The following MEI4 variants were observed in gnomAD, a reference collection of about 807,000 sequenced individuals.
MEI4 encodes meiotic double-stranded break formation protein 4.
In MEI4, 27 loss-of-function variants were observed where a neutral mutation model predicts 31.4. The ratio of observed to expected loss-of-function variants is 0.86; its 90% CI spans 0.63 to 1.19. The LOEUF (loss-of-function observed/expected upper bound fraction) is 1.19, where lower values mean the gene tolerates loss of function less well. Ranked by LOEUF, MEI4 falls within the 50% of genes most tolerant of loss-of-function variation. The pLI, the probability that MEI4 is intolerant of heterozygous loss-of-function variation, is 0.00. For synonymous variants in MEI4, 122 were observed against 145.4 expected (o/e 0.84, Z 1.16); for missense variants, 329 against 398.9 (o/e 0.82, Z 1.49).
chr6:77,699,674 G>A (rs1032822845), intron 2 of MEI4, among the ~76,000 whole-genome samples: 1 of 152,084 alleles, frequency 6.6e-6, no homozygotes, highest in African/African-American at 2.4e-5. Context: ...GGAGTTTCCA[G>A]GTTTTCTGCT....
intron 3 of MEI4, among the ~76,000 whole-genome samples, chr6:77,798,371 T>C (rs1905265): frequency 0.057 from 8,633 of 151,526 alleles, 681 homozygotes; most frequent in African/African-American, 0.17. Context: ...TTAATATTAA[T>C]AATTAAAATA....
rs563548218 is a variant in MEI4, at chr6:77,831,709, T to G, written c.900+2647T>G. On this transcript the variant is annotated intron_variant, in intron 4 of 4. Coordinates refer to ENST00000684080, the MANE Select transcript of MEI4 (RefSeq NM_001322247.2). ...TCATTTGTGGTGGGAGCTAAAGACATGGATCATATTGAGGCAGAGAGTAAA... is the reference window on the plus strand; with the variant it reads ...TCATTTGTGGTGGGAGCTAAAGACAGGGATCATATTGAGGCAGAGAGTAAA... 5.9e-5 allele frequency among the ~76,000 whole-genome samples: 9 copies of G among 151,830 alleles called. No individual in the cohort carries two copies. In the East Asian group the frequency reaches 1.7e-3, roughly 29 times the overall value.
At chr6:77,778,905 G>A (rs529756354) in intron 3 of MEI4, among the ~76,000 whole-genome samples, 2 of 152,184 alleles carry the variant, frequency 1.3e-5, no homozygotes, top group East Asian at 3.9e-4. Context: ...TTGGAAAAGA[G>A]AGGGGAGCCC....
chr6:77,748,137 G>T (rs1167759079), intron 2 of MEI4, among the ~76,000 whole-genome samples: 1 of 152,178 alleles, frequency 6.6e-6, no homozygotes, highest in Non-Finnish European at 1.5e-5. Flanking sequence ...TACTATTCTG[G>T]GATCTGGGGG....
At chr6:77,896,247 A>G (rs77388444) in intron 4 of MEI4, among the ~76,000 whole-genome samples, 2,777 of 152,212 alleles carry the variant, frequency 0.018, 83 homozygotes, top group African/African-American at 0.063. Context: ...TGTGGCATCT[A>G]TTTTATCACC....
At chr6:77,768,781 T>C (rs1768238877) in intron 3 of MEI4, among the ~76,000 whole-genome samples, 1 of 152,116 alleles carries the variant, frequency 6.6e-6, no homozygotes, top group African/African-American at 2.4e-5. Context: ...GGATCACCTG[T>C]TTCTTGTTCT....
chr6:77,840,675 G>C (rs1770336057), intron 4 of MEI4, among the ~76,000 whole-genome samples: 1 of 152,052 alleles, frequency 6.6e-6, no homozygotes, highest in East Asian at 1.9e-4. Flanking sequence ...TTTGTCACAT[G>C]GGTATATTGC....
rs917573919 is a variant in MEI4, at chr6:77,919,503, G to T, written c.901-3586G>T. Among the ~76,000 whole-genome samples the T allele has an allele frequency of 4.9e-4, 75 of 152,140 alleles. 1 individual carries two copies. Among genetic ancestry groups the T allele is most frequent in the African/African-American group, 1.8e-3 (73 of 41,534 alleles). Reference sequence around the variant, plus strand: ...CTTTGGGATGCATTCAAAGCAGTGTGTAGAGGGAAATTTATAGCACTAAAT... The same window carrying T: ...CTTTGGGATGCATTCAAAGCAGTGTTTAGAGGGAAATTTATAGCACTAAAT... On this transcript the variant is annotated intron_variant, in intron 4 of 4. Transcript: ENST00000684080.
chr6:77,712,906 G>C (rs1431485880), intron 2 of MEI4, among the ~76,000 whole-genome samples: 1 of 151,698 alleles, frequency 6.6e-6, no homozygotes, highest in African/African-American at 2.4e-5. Flanking sequence ...GGGAGGCGGA[G>C]CTTGCAGTGA....
intron 3 of MEI4, among the ~76,000 whole-genome samples, chr6:77,799,346 T>C (rs1203023383): frequency 6.6e-6 from 1 of 152,196 alleles, no homozygotes; most frequent in Non-Finnish European, 1.5e-5. Context: ...GGTTGTTTGT[T>C]TTTTTCTTCT....
At chr6:77,828,885 G>T in intron 3 of MEI4, 46 bp from the exon 4 acceptor site, 1 of 1,223,172 alleles carries the variant, frequency 8.2e-7, no homozygotes, top group South Asian at 4.2e-5. Context: ...AATACATTTT[G>T]ATTTGACGTG....
chr6:77,801,277 C>T (rs1028578376), intron 3 of MEI4, among the ~76,000 whole-genome samples: 2 of 152,164 alleles, frequency 1.3e-5, no homozygotes, highest in African/African-American at 2.4e-5. Flanking sequence ...AGTTTATTTG[C>T]ATAGAGGTGT....
At chr6:77,758,672 C>T (rs1044805276) in intron 2 of MEI4, among the ~76,000 whole-genome samples, 5 of 152,182 alleles carry the variant, frequency 3.3e-5, no homozygotes, top group Non-Finnish European at 7.3e-5. Context: ...TTTACTTTGG[C>T]ATTACAGATC....
Position 77,761,462 on chromosome 6 carries a change from C to T in MEI4, c.565C>T (p.Gln189Ter). Residue 189 changes from glutamine (Q) to a stop codon, truncating the protein, a stop_gained, in exon 3 of 5, where the codon CAA becomes TAA. Coordinates refer to ENST00000684080, the MANE Select transcript of MEI4 (RefSeq NM_001322247.2). LOFTEE classifies it high-confidence loss of function. Reference protein sequence around the residue: ...DSSTVSDSVFQLLDGLITFYR... With the variant: ...DSSTVSDSVF ...TTCCACAGTCTCTGATTCTGTTTTT[C>T]AATTGCTGGATGGCCTGATCACTTT... 1 of 1,232,114 alleles carries T rather than the reference C, an allele frequency of 8.1e-7. No individual in the cohort carries two copies. The highest frequency in any genetic ancestry group is 1.5e-5 in the African/African-American group (1 of 64,546). The allele number at this position is 1,232,114 out of a possible 1,614,324, so 76.3% of individuals were successfully genotyped here. A position where few individuals can be genotyped will look rare whatever the true frequency, so the allele number is the denominator to read the frequency against.
At chr6:77,749,591 CA>C (rs1315057467) in intron 2 of MEI4, among the ~76,000 whole-genome samples, 3 of 152,066 alleles carry the variant, frequency 2.0e-5, no homozygotes, top group African/African-American at 7.2e-5. Flanking sequence ...AAGAAACAAA[CA>C]AAGCCTCCAA....
At chr6:77,811,883 TA>T (rs1325418789) in intron 3 of MEI4, among the ~76,000 whole-genome samples, 1 of 152,226 alleles carries the variant, frequency 6.6e-6, no homozygotes, top group African/African-American at 2.4e-5. Flanking sequence ...AAAGATGCTA[TA>T]CTTAGCTGTT....
chr6:77,752,842 A>G (rs113597143), intron 2 of MEI4, among the ~76,000 whole-genome samples: 165 of 150,790 alleles, frequency 1.1e-3, no homozygotes, highest in African/African-American at 2.6e-3. Context: ...GCGTCACACT[A>G]CTACAACTAT....
chr6:77,695,928 C>G (rs565047859), intron 2 of MEI4, among the ~76,000 whole-genome samples: 1 of 152,298 alleles, frequency 6.6e-6, no homozygotes, highest in Admixed American at 6.5e-5. Flanking sequence ...TTTGTGTCCT[C>G]TTTTACTTCA....
chr6:77,922,990 A>AATATATTTC, intron 4 of MEI4, 99 bp from the exon 5 acceptor site: 1 of 647,854 alleles, frequency 1.5e-6, no homozygotes, highest in Non-Finnish European at 2.2e-6. Flanking sequence ...AAATATTTCA[A>AATATATTTC]ATATATTTCG....
Sources: gnomAD v4.1 joint callset for allele counts (sites outside exome capture counted in the v4.1 genomes callset) on GRCh38, gnomAD v4.1.1 for gene constraint, MANE v1.5 for transcripts, NCBI Gene and HGNC (gene_info 2026-07-23, HGNC 2026-07-21) for gene names.